The following TSPAN17 variants were observed in gnomAD, a reference collection of about 807,000 sequenced individuals.
The protein encoded by TSPAN17 is tetraspanin-17.
A neutral mutation model predicts 40.5 loss-of-function variants in TSPAN17; 33 were observed. The ratio of observed to expected loss-of-function variants is 0.81; its 90% CI spans 0.62 to 1.09. The LOEUF (loss-of-function observed/expected upper bound fraction) is 1.09, where lower values mean the gene tolerates loss of function less well. TSPAN17 is among the 50% of genes least tolerant of loss of function. TSPAN17 has a pLI of 0.00. For missense variants in TSPAN17, 365 were observed against 416.8 expected (o/e 0.88, Z 1.08); for synonymous variants, 166 against 169.4 (o/e 0.98, Z 0.15).
Position 176,657,719 on chromosome 5 carries a change from T to C in TSPAN17, c.*21T>C, listed in dbSNP as rs1324078282. 1 of 1,542,342 alleles carries C rather than the reference T, an allele frequency of 6.5e-7. No homozygotes were observed. Among genetic ancestry groups the C allele is most frequent in the Admixed American group, 2.1e-5 (1 of 47,170 alleles). Reference sequence around the variant, plus strand: ...GGTAGATTTCACATAAAAGTCCAGATCCACAGCTTCTCTTGAAGAATGACC... The same window carrying C: ...GGTAGATTTCACATAAAAGTCCAGACCCACAGCTTCTCTTGAAGAATGACC... On this transcript the variant is annotated 3_prime_UTR_variant, in exon 9 of 9. Coordinates refer to ENST00000508164, the MANE Select transcript of TSPAN17 (RefSeq NM_130465.5).
rs1761019344 is a variant in TSPAN17, at chr5:176,652,789, G to A, written c.332G>A (p.Gly111Glu). ...GLIFFLELAT[G>E]ILAFVFKDWI... ...ATCTTCTTCCTGGAGCTGGCAACAGGGATCCTGGCCTTTGTCTTCAAGGAC... is the reference window on the plus strand; with the variant it reads ...ATCTTCTTCCTGGAGCTGGCAACAGAGATCCTGGCCTTTGTCTTCAAGGAC... Residue 111 changes from glycine to glutamate, a missense_variant, in exon 4 of 9, where the codon GGG becomes GAG. Coordinates refer to ENST00000508164, the MANE Select transcript of TSPAN17 (RefSeq NM_130465.5). 3.1e-6 allele frequency: 5 copies of A among 1,614,098 alleles called. No individual in the cohort carries two copies. The Admixed American group carries it at 8.3e-5, about 27-fold the overall frequency.
intron 1 of TSPAN17, among the ~76,000 whole-genome samples, chr5:176,649,418 C>CT (rs1214780044): frequency 2.7e-5 from 4 of 148,450 alleles, no homozygotes; most frequent in Non-Finnish European, 5.9e-5. Flanking sequence ...TTGTGGTTTC[C>CT]TTTTTTCTTT....
chr5:176,656,174 T>C (rs6878977), intron 6 of TSPAN17, 49 bp downstream of exon 6: 1 of 1,607,344 alleles, frequency 6.2e-7, no homozygotes, highest in Non-Finnish European at 8.5e-7. Flanking sequence ...GGGTACTGGG[T>C]TGGGTATGAG....
chr5:176,658,405 C>T lies in TSPAN17; in HGVS notation c.*707C>T, dbSNP rs1433864968. 2 of 152,272 alleles carry T rather than the reference C, an allele frequency of 1.3e-5. No homozygotes were observed. The highest frequency in any genetic ancestry group is 6.5e-5 in the Admixed American group (1 of 15,280). 9.4% of individuals were successfully genotyped at this position (152,272 alleles called of 1,614,324 possible). On this transcript the variant is annotated 3_prime_UTR_variant, in exon 9 of 9. Transcript: ENST00000508164. The stretch of plus-strand genomic sequence containing the variant: ...AGGGGTGTGTGTGGAGTGATCCTGC[C>T]GCCCCCTCCCTGGGCTCGTCCAGAG...
chr5:176,657,891 T>G lies in TSPAN17; in HGVS notation c.*193T>G. ...CTGGCCTCCCACCTCTGCAGGGTTA[T>G]TCCCTGCACCTCGAGGCCGCTGCGG... On this transcript the variant is annotated 3_prime_UTR_variant, in exon 9 of 9. Transcript: ENST00000508164. The G allele has an allele frequency of 9.5e-7, 1 of 1,057,536 alleles. No homozygotes were observed. Among genetic ancestry groups the G allele is most frequent in the Non-Finnish European group, 1.3e-6 (1 of 775,144 alleles). The allele number at this position is 1,057,536 out of a possible 1,614,324, so 65.5% of individuals were successfully genotyped here. A position where few individuals can be genotyped will look rare whatever the true frequency, so the allele number is the denominator to read the frequency against.
In TSPAN17 at chr5:176,657,968, G is replaced by A. The variant is rs992244536; in HGVS notation, c.*270G>A. Reference sequence around the variant, plus strand: ...CTGAAGGATGGAGAGGCTGGACCCCGCTTTGAAGAGGGTGCAGCCTGGGAA... The same window carrying A: ...CTGAAGGATGGAGAGGCTGGACCCCACTTTGAAGAGGGTGCAGCCTGGGAA... On this transcript the variant is annotated 3_prime_UTR_variant, in exon 9 of 9. Coordinates refer to ENST00000508164, the MANE Select transcript of TSPAN17 (RefSeq NM_130465.5). 6.9e-6 allele frequency: 3 copies of A among 435,022 alleles called. No homozygotes were observed. The highest frequency in any genetic ancestry group is 2.1e-5 in the African/African-American group (1 of 48,302). The allele number at this position is 435,022 out of a possible 1,614,324, so 26.9% of individuals were successfully genotyped here.
At chr5:176,653,153 T>C in intron 4 of TSPAN17, 1 of 417,370 alleles carries the variant, frequency 2.4e-6, no homozygotes, top group Admixed American at 3.5e-5. Context: ...GGCTCCACGC[T>C]AGCAGCTCCC....
rs1394118216 is a variant in TSPAN17, at chr5:176,651,881, A to T, written c.266A>T (p.Asn89Ile). ...GGCTGCATTGGGGCCCTCCGGGAGA[A>T]CACCTTCCTGCTCAAGTTTGTGAGT... is the stretch of plus-strand genomic sequence containing the variant. The part of the protein sequence containing the change: ...FAGCIGALRE[N>I]TFLLKFFSVF... Residue 89 changes from asparagine to isoleucine, a missense_variant, in exon 3 of 9, where the codon AAC becomes ATC. By Grantham distance (149) the Asn-to-Ile change is moderately radical. Coordinates refer to ENST00000508164, the MANE Select transcript of TSPAN17 (RefSeq NM_130465.5). This position sits in a 1 kb window ranked among gnomAD's most constrained non-coding sequence, Gnocchi z 4.5. The T allele has an allele frequency of 6.2e-7, 1 of 1,613,828 alleles. No individual in the cohort carries two copies. The highest frequency in any genetic ancestry group is 2.2e-5 in the East Asian group (1 of 44,888).
rs1360965953 is a variant in TSPAN17, at chr5:176,647,535, C to A, written c.-81C>A. ...CGCAGCCGCCCGGCTAGGCCCCGGG[C>A]GGCTCTAGCCCAGGGCGGCCCGCGG... On this transcript the variant is annotated 5_prime_UTR_variant, in exon 1 of 9. Transcript: ENST00000508164. 3 of 1,154,600 alleles carry A rather than the reference C, an allele frequency of 2.6e-6. No homozygotes were observed. Among genetic ancestry groups the A allele is most frequent in the Non-Finnish European group, 2.3e-6 (2 of 877,152 alleles). 71.5% of individuals were successfully genotyped at this position (1,154,600 alleles called of 1,614,324 possible).
intron 4 of TSPAN17, chr5:176,653,379 C>T (rs899643492): frequency 1.3e-5 from 2 of 157,236 alleles, no homozygotes; most frequent in Admixed American, 6.1e-5. Context: ...TGTTTGGCCT[C>T]TGTGTATATT....
intron 1 of TSPAN17, among the ~76,000 whole-genome samples, chr5:176,649,232 G>GAA: frequency 6.6e-6 from 1 of 152,148 alleles, no homozygotes; most frequent in East Asian, 1.9e-4. Flanking sequence ...GAAAGGTGAG[G>GAA]GAGGTTGCTG....
At chr5:176,649,854 G>A (rs899656850) in intron 1 of TSPAN17, among the ~76,000 whole-genome samples, 1 of 152,212 alleles carries the variant, frequency 6.6e-6, no homozygotes, top group African/African-American at 2.4e-5. Flanking sequence ...CTCTGCCTGT[G>A]CCCTACCCTC....
intron 6 of TSPAN17, among the ~76,000 whole-genome samples, chr5:176,656,423 G>A (rs1430766023): frequency 1.3e-5 from 2 of 152,190 alleles, no homozygotes; most frequent in African/African-American, 4.8e-5. Context: ...GAGAAAGACG[G>A]TAAGCCCTTA....
chr5:176,653,174 C>T, intron 4 of TSPAN17: 1 of 381,530 alleles, frequency 2.6e-6, no homozygotes, highest in Non-Finnish European at 4.8e-6. Flanking sequence ...AGGCCAGGGC[C>T]TACGACACAC....
In TSPAN17 at chr5:176,647,569, G is replaced by C; in HGVS notation, c.-47G>C. On this transcript the variant is annotated 5_prime_UTR_variant, in exon 1 of 9. Transcript: ENST00000508164. Reference sequence around the variant, plus strand: ...CCCAGGGCGGCCCGCGGGGCGCTGGGCCTGGCTCCCGGCTCCGGTTTCCGG... The same window carrying C: ...CCCAGGGCGGCCCGCGGGGCGCTGGCCCTGGCTCCCGGCTCCGGTTTCCGG... 3 of 1,525,860 alleles carry C rather than the reference G, an allele frequency of 2.0e-6. No homozygotes were observed. The highest frequency in any genetic ancestry group is 2.6e-6 in the Non-Finnish European group (3 of 1,136,122). 94.5% of individuals were successfully genotyped at this position (1,525,860 alleles called of 1,614,324 possible).
chr5:176,655,900 C>CAA (rs199961404), intron 5 of TSPAN17, among the ~76,000 whole-genome samples, 178 bp from the exon 6 acceptor site: 5 of 125,800 alleles, frequency 4.0e-5, no homozygotes, highest in Non-Finnish European at 6.9e-5. Flanking sequence ...GACCCTGTCT[C>CAA]AAAAAAAAAA....
intron 1 of TSPAN17, among the ~76,000 whole-genome samples, chr5:176,648,134 C>T (rs1224244851): frequency 6.6e-6 from 1 of 152,186 alleles, no homozygotes; most frequent in Non-Finnish European, 1.5e-5. Context: ...CCTTCCCCGG[C>T]CTCCTTTCCC....
chr5:176,657,373 G>A (rs1029162188), intron 8 of TSPAN17, 145 bp from the exon 9 acceptor site: 120 of 1,403,776 alleles, frequency 8.5e-5, no homozygotes, highest in Non-Finnish European at 1.1e-4. Context: ...TATGGGGCGC[G>A]TTGCCTGAGC....
intron 8 of TSPAN17, 140 bp downstream of exon 8, chr5:176,657,096 T>C: frequency 1.1e-6 from 1 of 887,560 alleles, no homozygotes. Flanking sequence ...GGGGTTCGCC[T>C]GAACCGCTGT....
Sources: gnomAD v4.1 joint callset for allele counts (sites outside exome capture counted in the v4.1 genomes callset) on GRCh38, gnomAD v4.1.1 for gene constraint, Gnocchi (gnomAD v3.1) non-coding constraint, MANE v1.5 for transcripts, NCBI Gene and HGNC (gene_info 2026-07-23, HGNC 2026-07-21) for gene names.